The following NCF4 variants were observed in gnomAD, a reference collection of about 807,000 sequenced individuals.
NCF4 encodes neutrophil cytosolic factor 4.
In NCF4, 30 loss-of-function variants were observed where a neutral mutation model predicts 41.7. That is an observed-to-expected ratio of 0.72 (90% CI 0.54 to 0.97). NCF4 has a LOEUF of 0.97. NCF4 is among the 50% of genes least tolerant of loss of function. The probability of loss-of-function intolerance (pLI) is 0.00; values close to 1 mark genes in which losing one functional copy is unlikely to be tolerated. For missense variants in NCF4, 432 were observed against 460.9 expected (o/e 0.94, Z 0.57); for synonymous variants, 195 against 175.8 (o/e 1.11, Z -0.87).
intron 7 of NCF4, among the ~76,000 whole-genome samples, chr22:36,873,349 A>C (rs1262918486): frequency 9.3e-6 from 1 of 107,850 alleles, no homozygotes; most frequent in Non-Finnish European, 1.9e-5. Context: ...GGTTGGGAAT[A>C]AGGATGGAGG....
intron 3 of NCF4, among the ~76,000 whole-genome samples, chr22:36,866,139 C>A (rs1379905435): frequency 6.6e-6 from 1 of 152,192 alleles, no homozygotes; most frequent in Non-Finnish European, 1.5e-5. Flanking sequence ...AGCCTCCGTG[C>A]CCCCAGGGCC....
chr22:36,869,178 A>G lies in NCF4; in HGVS notation c.343-1237A>G, dbSNP rs35643334. Among the ~76,000 whole-genome samples, 345 of 152,114 alleles carry G rather than the reference A, an allele frequency of 2.3e-3. 3 individuals are homozygous for G. The highest frequency in any genetic ancestry group is 7.9e-3 in the African/African-American group (327 of 41,464). Reference sequence around the variant, plus strand: ...TGAGATTTGAATTCACATCTCTGTGACTCCAGGGTTTGAGCTCTTACCCAC... The same window carrying G: ...TGAGATTTGAATTCACATCTCTGTGGCTCCAGGGTTTGAGCTCTTACCCAC... On this transcript the variant is annotated intron_variant, in intron 4 of 9. Transcript: ENST00000248899.
At chr22:36,877,090 C>T (rs547502494) in intron 9 of NCF4, among the ~76,000 whole-genome samples, 1 of 152,238 alleles carries the variant, frequency 6.6e-6, no homozygotes, top group African/African-American at 2.4e-5. Context: ...CATTTATACA[C>T]GAGACATTTC....
chr22:36,868,593 G>A (rs1038156625), intron 4 of NCF4, among the ~76,000 whole-genome samples: 3 of 151,916 alleles, frequency 2.0e-5, no homozygotes, highest in Non-Finnish European at 4.4e-5. Context: ...GTGGGCTCCA[G>A]CTGCTCCTTC....
chr22:36,867,816 A>C (rs1016470329), intron 4 of NCF4, among the ~76,000 whole-genome samples: 1 of 152,214 alleles, frequency 6.6e-6, no homozygotes, highest in African/African-American at 2.4e-5. Context: ...TGGGAATGCC[A>C]ACAGGTGGAT....
chr22:36,861,498 C>A (rs1170428897), intron 1 of NCF4, among the ~76,000 whole-genome samples: 1 of 152,190 alleles, frequency 6.6e-6, no homozygotes, highest in African/African-American at 2.4e-5. Flanking sequence ...TCCTGGGTCC[C>A]AGGCTGGGGC....
At chr22:36,861,993 C>A (rs1425452339) in intron 1 of NCF4, among the ~76,000 whole-genome samples, 2 of 152,242 alleles carry the variant, frequency 1.3e-5, no homozygotes, top group Non-Finnish European at 2.9e-5. Flanking sequence ...AAGAGACTTA[C>A]TCAGGGTCAC....
chr22:36,871,349 C>A (rs1181355133), intron 5 of NCF4, among the ~76,000 whole-genome samples: 2 of 152,208 alleles, frequency 1.3e-5, no homozygotes, highest in Non-Finnish European at 2.9e-5. Flanking sequence ...AGCAGAGGAA[C>A]AAACACATCT....
intron 1 of NCF4, among the ~76,000 whole-genome samples, chr22:36,861,907 A>G (rs1010062715): frequency 1.3e-5 from 2 of 152,164 alleles, no homozygotes; most frequent in African/African-American, 4.8e-5. Flanking sequence ...TGGATCTTTG[A>G]GACGGAAAAG....
intron 2 of NCF4, 111 bp downstream of exon 2, chr22:36,864,240 C>T: frequency 7.3e-6 from 7 of 962,702 alleles, no homozygotes; most frequent in Non-Finnish European, 1.2e-5. Context: ...CTCTTAACTT[C>T]TATCTCAGTG....
rs755408986 is a variant in NCF4 at position 36,877,846 on chromosome 22, T to C, written c.*23T>C. 1.4e-4 allele frequency: 222 copies of C among 1,602,488 alleles called. 1 individual carries two copies. Among genetic ancestry groups the C allele is most frequent in the Middle Eastern group, 3.3e-4 (2 of 6,066 alleles). ...TGAGCTGACGGTGTCCCTGGAGCAGTGAGGGGACACCAGCAAAAACCTTCA... is the reference window on the plus strand; with the variant it reads ...TGAGCTGACGGTGTCCCTGGAGCAGCGAGGGGACACCAGCAAAAACCTTCA... On this transcript the variant is annotated 3_prime_UTR_variant, in exon 10 of 10. Coordinates refer to ENST00000248899, the MANE Select transcript of NCF4 (RefSeq NM_000631.5).
intron 9 of NCF4, among the ~76,000 whole-genome samples, 163 bp from the exon 10 acceptor site, chr22:36,877,465 C>T (rs190434228): frequency 7.2e-5 from 11 of 152,272 alleles, no homozygotes; most frequent in Admixed American, 5.2e-4. Context: ...TCGATATCCC[C>T]ATCTGTACAA....
chr22:36,864,577 G>T lies in NCF4; in HGVS notation c.118-342G>T, dbSNP rs190916128. Among the ~76,000 whole-genome samples the T allele has an allele frequency of 2.3e-4, 35 of 152,240 alleles. No homozygotes were observed. The Middle Eastern group carries it at 0.014, about 59-fold the overall frequency. On this transcript the variant is annotated intron_variant, in intron 2 of 9. Coordinates refer to ENST00000248899, the MANE Select transcript of NCF4 (RefSeq NM_000631.5). ...ATCCTGCACCCACAGCACAGCCAGG[G>T]GCAGGTTCACTCTGCACCATGACCT...
chr22:36,870,162 C>T (rs755853009), intron 4 of NCF4: 1 of 552,020 alleles, frequency 1.8e-6, no homozygotes, highest in South Asian at 2.0e-5. Flanking sequence ...AACTTTAAGT[C>T]TTTTCCAAAT....
At chr22:36,870,225 G>A in intron 4 of NCF4, 190 bp from the exon 5 acceptor site, 1 of 794,152 alleles carries the variant, frequency 1.3e-6, no homozygotes, top group Non-Finnish European at 2.1e-6. Flanking sequence ...CAGGAGCAGA[G>A]CTTGTGAAGT....
At chr22:36,872,480 T>G (rs1043795646) in intron 7 of NCF4, 55 bp downstream of exon 7, 15 of 1,425,274 alleles carry the variant, frequency 1.1e-5, no homozygotes, top group African/African-American at 1.4e-5. Context: ...GGAGGGAAAT[T>G]AAAAGTGAAG....
chr22:36,864,835 C>T, intron 2 of NCF4, 84 bp from the exon 3 acceptor site: 3 of 1,539,670 alleles, frequency 1.9e-6, no homozygotes, highest in South Asian at 1.1e-5. Context: ...CTTCCTCCTC[C>T]TCCTCCTCCC....
chr22:36,862,737 G>A (rs1344239741), intron 1 of NCF4, among the ~76,000 whole-genome samples: 1 of 152,236 alleles, frequency 6.6e-6, no homozygotes, highest in Non-Finnish European at 1.5e-5. Context: ...AGAGTACAAG[G>A]AGAGGGCGCA....
At chr22:36,866,341 C>T (rs141341977) in intron 3 of NCF4, among the ~76,000 whole-genome samples, 1 of 152,196 alleles carries the variant, frequency 6.6e-6, no homozygotes, top group East Asian at 1.9e-4. Context: ...TTCACACCCC[C>T]ACTCCTTCCT....
Sources: gnomAD v4.1 joint callset for allele counts (sites outside exome capture counted in the v4.1 genomes callset) on GRCh38, gnomAD v4.1.1 for gene constraint, MANE v1.5 for transcripts, NCBI Gene and HGNC (gene_info 2026-07-23, HGNC 2026-07-21) for gene names.